Variants in VRK3 observed in about 807,000 individuals in gnomAD.
The protein encoded by VRK3 is VRK serine/threonine kinase 3, also known as serine/threonine-protein kinase VRK3.
VRK3 carries 50 observed loss-of-function variants against 60.4 expected under a neutral mutation model. The ratio of observed to expected loss-of-function variants is 0.83; its 90% CI spans 0.66 to 1.05. The LOEUF is 1.05. Among genes scored for constraint, VRK3 ranks in the 50% least tolerant of loss-of-function variants. The pLI is 0.00. For missense variants in VRK3, 549 were observed against 585.3 expected, an observed-to-expected ratio of 0.94 and a Z score of 0.64; for synonymous variants, 246 against 227.8, an observed-to-expected ratio of 1.08 and a Z score of -0.72.
At chr19:50,008,292 A>G (rs2076934929) in intron 4 of VRK3, among the ~76,000 whole-genome samples, 1 of 148,528 alleles carries the variant, frequency 6.7e-6, no homozygotes. Context: ...GGGCCAAAAA[A>G]TTTGTTAGAC....
chr19:49,994,308 A>G (rs1319815662), intron 9 of VRK3, among the ~76,000 whole-genome samples: 1 of 152,202 alleles, frequency 6.6e-6, no homozygotes, highest in Non-Finnish European at 1.5e-5. Context: ...AACCATGTTT[A>G]TGCTGCTCCC....
intron 1 of VRK3, among the ~76,000 whole-genome samples, chr19:50,023,286 A>G (rs964165709): frequency 1.3e-5 from 2 of 152,158 alleles, no homozygotes; most frequent in Non-Finnish European, 1.5e-5. Context: ...CCCGAGTTCA[A>G]GTGATTCTCC....
At chr19:50,008,331 C>G (rs192157581) in intron 4 of VRK3, among the ~76,000 whole-genome samples, 49 of 152,304 alleles carry the variant, frequency 3.2e-4, no homozygotes, top group African/African-American at 1.2e-3. Context: ...GGGCTCCTAG[C>G]CTGGCAAGAG....
intron 3 of VRK3, among the ~76,000 whole-genome samples, chr19:50,015,134 C>T (rs1202560907): frequency 6.6e-6 from 1 of 151,868 alleles, no homozygotes; most frequent in Non-Finnish European, 1.5e-5. Context: ...CTAGGGCAGG[C>T]GGCAGGAACA....
intron 1 of VRK3, among the ~76,000 whole-genome samples, chr19:50,023,827 T>A (rs1344517712): frequency 6.6e-6 from 1 of 152,170 alleles, no homozygotes; most frequent in Non-Finnish European, 1.5e-5. Flanking sequence ...AGGGCCGGAA[T>A]TATCTAGCTG....
At chr19:50,003,555 T>C (rs1466744039) in intron 5 of VRK3, among the ~76,000 whole-genome samples, 3 of 152,178 alleles carry the variant, frequency 2.0e-5, no homozygotes, top group African/African-American at 4.8e-5. Context: ...CCGGGATATA[T>C]GACATTATAG....
intron 1 of VRK3, among the ~76,000 whole-genome samples, chr19:50,021,560 G>C (rs898050906): frequency 3.3e-5 from 5 of 152,224 alleles, no homozygotes; most frequent in African/African-American, 1.2e-4. Context: ...CTGGGTGAGT[G>C]GGCAAGTCCT....
rs3217382 is a variant in VRK3 at position 50,007,714 on chromosome 19, CCTGGTCTTCTGAGGGCTACAG to C, written c.381_401del (p.Ser127_Thr133del). On this transcript the variant is annotated inframe_deletion, in exon 5 of 15. Coordinates refer to ENST00000316763, the MANE Select transcript of VRK3 (RefSeq NM_016440.4). The stretch of plus-strand genomic sequence containing the variant: ...TCCGCTTCAGCGTCTGAGGGCTCTG[CCTGGTCTTCTGAGGGCTACAG>C]CTGGTCTTCTGAGGGCTACCCCTGG... The C allele has an allele frequency of 0.01, 16,263 of 1,614,058 alleles. 826 individuals are homozygous for C. In the East Asian group the frequency reaches 0.1, roughly 10 times the overall value.
In VRK3 at chr19:49,977,743, T is replaced by C. The variant is rs562788520; in HGVS notation, c.*12-959A>G. ...GAGCTGTCTGGCCTGGATAACTGGG[T>C]ACACGGAGGAGCTGTGTATCGAGCT... On this transcript the variant is annotated intron_variant, in intron 14 of 14. Transcript: ENST00000316763. 7.6e-4 allele frequency among the ~76,000 whole-genome samples: 116 copies of C among 152,074 alleles called. 1 individual carries two copies. The highest frequency in any genetic ancestry group is 6.8e-3 in the Middle Eastern group (2 of 294).
Position 50,007,617 on chromosome 19 carries a change from T to C in VRK3, c.499A>G (p.Lys167Glu), listed in dbSNP as rs2122427938. The C allele has an allele frequency of 6.2e-7, 1 of 1,614,172 alleles. No individual in the cohort carries two copies. The highest frequency in any genetic ancestry group is 1.1e-5 in the South Asian group (1 of 91,080). The change falls in exon 5 of 15, where the codon AAG (lysine) becomes GAG (glutamate). Residue 167 changes from lysine to glutamate, a missense_variant. Lys to Glu is a moderately conservative substitution (Grantham distance 56, BLOSUM62 1). Transcript: ENST00000316763. ...VLTDKSGRQWKLKSFQTRDNQ... is the reference protein window; with the variant it reads ...VLTDKSGRQWELKSFQTRDNQ... ...TCCCTGGTCTGGAAGGACTTCAGCT[T>C]CCACTGTCGCCCACTCTTGTCTGTC... is the stretch of plus-strand genomic sequence containing the variant.
rs75316446 is a variant in VRK3 at position 49,999,309 on chromosome 19, C to T, written c.612+1481G>A. The stretch of plus-strand genomic sequence containing the variant: ...CCTGGAGTCCTCCCCACGATGCTGG[C>T]GAAGCCCATAGTGACTGACGCGAGC... On this transcript the variant is annotated intron_variant, in intron 6 of 14. Transcript: ENST00000316763. 1,739 of 152,370 alleles carry T rather than the reference C, an allele frequency of 0.011. 78 individuals are homozygous for T. The East Asian group carries it at 0.11, about 10-fold the overall frequency. 9.4% of individuals were successfully genotyped at this position (152,370 alleles called of 1,614,324 possible). A position where few individuals can be genotyped will look rare whatever the true frequency, so the allele number is the denominator to read the frequency against.
chr19:50,003,672 CTTG>C (rs563366921), intron 5 of VRK3, among the ~76,000 whole-genome samples: 176 of 152,342 alleles, frequency 1.2e-3, no homozygotes, highest in African/African-American at 4.0e-3. Context: ...TCAGCTTGTT[CTTG>C]TTGTTTTACT....
intron 5 of VRK3, among the ~76,000 whole-genome samples, chr19:50,004,905 A>G (rs1171783083): frequency 6.6e-6 from 1 of 151,058 alleles, no homozygotes; most frequent in African/African-American, 2.5e-5. Context: ...GCGAGACTCC[A>G]TCTCTTAAAA....
intron 5 of VRK3, among the ~76,000 whole-genome samples, chr19:50,005,159 G>C (rs2076872691): frequency 6.7e-6 from 1 of 149,048 alleles, no homozygotes; most frequent in South Asian, 2.1e-4. Flanking sequence ...CAGGGGACAA[G>C]GCGTCATCTC....
At chr19:50,002,093 C>G (rs951646578) in intron 5 of VRK3, among the ~76,000 whole-genome samples, 18 of 152,146 alleles carry the variant, frequency 1.2e-4, no homozygotes, top group African/African-American at 4.3e-4. Context: ...CTGGGTCTAG[C>G]TAATCCCAAA....
chr19:49,992,815 C>A (rs2076633672), intron 10 of VRK3, 45 bp downstream of exon 10: 1 of 1,581,388 alleles, frequency 6.3e-7, no homozygotes. Context: ...CAGATGGGAA[C>A]CTGAGCCCAG....
rs763836129 is a variant in VRK3 at position 49,992,943 on chromosome 19, G to C, written c.880C>G (p.Leu294Val). The change falls in exon 10 of 15, where the codon CTG (leucine) becomes GTG (valine). Residue 294 changes from leucine (L) to valine (V), a missense_variant. By Grantham distance (32) the Leu-to-Val change is conservative. Coordinates refer to ENST00000316763, the MANE Select transcript of VRK3 (RefSeq NM_016440.4). ...TACTCATTCTCATGGAGGAACTCCA[G>C]GGCATCCAGCTGGGGGAAGAAGCAA... is the stretch of plus-strand genomic sequence containing the variant. The part of the protein sequence containing the change: ...LQVACRLLDA[L>V]EFLHENEYVH... 9 of 1,612,310 alleles carry C rather than the reference G, an allele frequency of 5.6e-6. No individual in the cohort carries two copies. Among genetic ancestry groups the C allele is most frequent in the African/African-American group, 1.3e-5 (1 of 75,050 alleles).
chr19:50,003,841 C>G (rs896595314), intron 5 of VRK3, among the ~76,000 whole-genome samples: 7 of 152,250 alleles, frequency 4.6e-5, no homozygotes, highest in African/African-American at 1.7e-4. Context: ...TTCACCAGCC[C>G]CGCTCTCCCT....
At chr19:50,007,900 G>T (rs138368850) in intron 4 of VRK3, 74 bp from the exon 5 acceptor site, 2 of 1,579,608 alleles carry the variant, frequency 1.3e-6, no homozygotes, top group African/African-American at 2.7e-5. Flanking sequence ...GAAACAGCAC[G>T]CAAAATACTG....
Sources: allele counts gnomAD v4.1 joint callset (sites outside exome capture counted in the v4.1 genomes callset), GRCh38; gene constraint gnomAD v4.1.1; transcripts MANE v1.5; gene names NCBI Gene and HGNC (gene_info 2026-07-23, HGNC 2026-07-21).